The following R3HCC1L variants were observed in gnomAD, a reference collection of about 807,000 sequenced individuals.
The protein encoded by R3HCC1L is coiled-coil domain-containing protein R3HCC1L.
R3HCC1L carries 51 observed loss-of-function variants against 59.9 expected under a neutral mutation model. That is an observed-to-expected ratio of 0.85 (90% CI 0.68 to 1.07). The LOEUF is 1.07. Among genes scored for constraint, R3HCC1L ranks in the 50% least tolerant of loss-of-function variants. The pLI is 0.00. For missense variants in R3HCC1L, 965 were observed against 933.0 expected (o/e 1.03, Z -0.45); for synonymous variants, 322 against 315.2 (o/e 1.02, Z -0.23).
chr10:98,222,873 C>T (rs895516351), intron 5 of R3HCC1L, among the ~76,000 whole-genome samples: 4 of 152,186 alleles, frequency 2.6e-5, no homozygotes, highest in Non-Finnish European at 5.9e-5. Context: ...ACCGATCCCA[C>T]AGAAATACAA....
chr10:98,209,391 A>T lies in R3HCC1L; in HGVS notation c.1277A>T (p.His426Leu). The change falls in exon 5 of 10, where the codon CAT becomes CTT. Residue 426 changes from histidine (H) to leucine (L), a missense_variant. Transcript: ENST00000298999. ...VGMSADATPL[H>L]VARSGNDTED... ...ATGAGTGCAGATGCAACCCCTCTTC[A>T]TGTAGCTAGAAGTGGGAATGACACT... 6.2e-7 allele frequency: 1 copy of T among 1,613,864 alleles called. No individual in the cohort carries two copies. Among genetic ancestry groups the T allele is most frequent in the Non-Finnish European group, 8.5e-7 (1 of 1,179,954 alleles).
chr10:98,195,187 A>G (rs1851289184), intron 4 of R3HCC1L, among the ~76,000 whole-genome samples: 1 of 152,190 alleles, frequency 6.6e-6, no homozygotes, highest in African/African-American at 2.4e-5. Flanking sequence ...CCTTCAGGAC[A>G]TTTTGCTAAG....
At chr10:98,156,550 G>A (rs919232118) in intron 2 of R3HCC1L, among the ~76,000 whole-genome samples, 1 of 152,138 alleles carries the variant, frequency 6.6e-6, no homozygotes, top group Non-Finnish European at 1.5e-5. Flanking sequence ...TATCTAATGG[G>A]CACAATGTCC....
chr10:98,208,929 G>A lies in R3HCC1L; in HGVS notation c.815G>A (p.Ser272Asn), dbSNP rs1171925573. ...ATCACCACTACTTCTGTTCCTGGAA[G>A]TCCAGATGGTGTCTTTGATCAAACT... ...GGITTTSVPGSPDGVFDQTCV... is the reference protein window; with the variant it reads ...GGITTTSVPGNPDGVFDQTCV... Residue 272 changes from serine to asparagine, a missense_variant, in exon 5 of 10, where the codon AGT (serine) becomes AAT (asparagine). By Grantham distance (46) the Ser-to-Asn change is conservative (BLOSUM62 1). Coordinates refer to ENST00000298999, the MANE Select transcript of R3HCC1L (RefSeq NM_001351015.2). 3 of 1,614,116 alleles carry A rather than the reference G, an allele frequency of 1.9e-6. No homozygotes were observed. The highest frequency in any genetic ancestry group is 2.5e-6 in the Non-Finnish European group (3 of 1,179,988).
chr10:98,138,496 G>A (rs1844808720), intron 1 of R3HCC1L, among the ~76,000 whole-genome samples: 1 of 151,894 alleles, frequency 6.6e-6, no homozygotes, highest in Non-Finnish European at 1.5e-5. Context: ...TTCAAGACCA[G>A]CCTGGGCAAC....
intron 4 of R3HCC1L, among the ~76,000 whole-genome samples, chr10:98,176,611 C>G (rs1849046856): frequency 6.6e-6 from 1 of 152,026 alleles, no homozygotes; most frequent in South Asian, 2.1e-4. Flanking sequence ...CTTAGAGATT[C>G]TATGGGATTT....
intron 5 of R3HCC1L, among the ~76,000 whole-genome samples, chr10:98,230,248 T>A (rs1191807090): frequency 2.0e-5 from 3 of 152,198 alleles, no homozygotes; most frequent in Non-Finnish European, 2.9e-5. Flanking sequence ...AATTATTGCC[T>A]CAATTTCAGA....
In R3HCC1L at chr10:98,154,125, A is replaced by C. The variant is rs113232953; in HGVS notation, c.-267-1968A>C. Among the ~76,000 whole-genome samples the C allele has an allele frequency of 1.7e-3, 258 of 149,108 alleles. 1 individual carries two copies. The highest frequency in any genetic ancestry group is 3.5e-3 in the Middle Eastern group (1 of 284). On this transcript the variant is annotated intron_variant, in intron 1 of 9. Transcript: ENST00000298999. ...ATGTTTGCATTACTCTGTGGATATC[A>C]TGCAGGCCTTTTTGATACTTTCAAC...
At chr10:98,227,324 A>G (rs1239082757) in intron 5 of R3HCC1L, among the ~76,000 whole-genome samples, 2 of 152,168 alleles carry the variant, frequency 1.3e-5, no homozygotes, top group East Asian at 1.9e-4. Context: ...ATTTTTATTG[A>G]TATTATCCAA....
In R3HCC1L at chr10:98,207,263, G is replaced by T. The variant is rs1265797478; in HGVS notation, c.-14-838G>T. On this transcript the variant is annotated intron_variant, in intron 4 of 9. Coordinates refer to ENST00000298999, the MANE Select transcript of R3HCC1L (RefSeq NM_001351015.2). ...CATAGCATTATTTTGAAAATTAAAAGAATAATTCAATATGAAATTCCCTAG... is the reference window on the plus strand; with the variant it reads ...CATAGCATTATTTTGAAAATTAAAATAATAATTCAATATGAAATTCCCTAG... Among the ~76,000 whole-genome samples the T allele has an allele frequency of 3.3e-5, 5 of 152,144 alleles. No homozygotes were observed. The South Asian group carries it at 1.0e-3, about 31-fold the overall frequency.
At chr10:98,210,003 C>A in intron 5 of R3HCC1L, 104 bp downstream of exon 5, 1 of 885,354 alleles carries the variant, frequency 1.1e-6, no homozygotes, top group Non-Finnish European at 1.7e-6. Flanking sequence ...TTTAAGAGTT[C>A]CTGCAATAAA....
intron 5 of R3HCC1L, among the ~76,000 whole-genome samples, chr10:98,223,496 A>C (rs1265888310): frequency 2.6e-5 from 4 of 150,974 alleles, no homozygotes; most frequent in Non-Finnish European, 5.9e-5. Context: ...TATAATAGTC[A>C]CTTCTTCAAA....
At chr10:98,205,622 C>T (rs926399952) in intron 4 of R3HCC1L, among the ~76,000 whole-genome samples, 8 of 152,156 alleles carry the variant, frequency 5.3e-5, no homozygotes, top group African/African-American at 1.9e-4. Flanking sequence ...TGCCAGCACA[C>T]TGCTGGTCAT....
intron 5 of R3HCC1L, among the ~76,000 whole-genome samples, chr10:98,228,311 A>G (rs1181587972): frequency 1.3e-5 from 2 of 151,918 alleles, no homozygotes; most frequent in East Asian, 1.9e-4. Flanking sequence ...TGTGGTTTTG[A>G]TTTGCATTTC....
At chr10:98,176,409 A>T (rs1412845961) in intron 4 of R3HCC1L, among the ~76,000 whole-genome samples, 3 of 152,126 alleles carry the variant, frequency 2.0e-5, no homozygotes, top group Non-Finnish European at 2.9e-5. Flanking sequence ...TCGATTTTTG[A>T]TGTCTTATCA....
In R3HCC1L at chr10:98,183,958, G is replaced by GTTTTTTTTTTTTTTTTTT. The variant is rs71007380; in HGVS notation, c.-15+20576_-15+20577insTTTTTTTTTTTTTTTTTT. Among the ~76,000 whole-genome samples the GTTTTTTTTTTTTTTTTTT allele has an allele frequency of 4.0e-5, 5 of 126,570 alleles. 2 individuals are homozygous for GTTTTTTTTTTTTTTTTTT. Among genetic ancestry groups the GTTTTTTTTTTTTTTTTTT allele is most frequent in the African/African-American group, 9.0e-5 (3 of 33,370 alleles). The allele number at this position is 126,570 out of a possible 152,430, so 83.0% of individuals were successfully genotyped here. A position where few individuals can be genotyped will look rare whatever the true frequency, so the allele number is the denominator to read the frequency against. ...TTTTTTTTTCTTTGCTCCTTTTTCG[G>GTTTTTTTTTTTTTTTTTT]TTTTTTTTTTTTTTTGGTTGAAATC... is the stretch of plus-strand genomic sequence containing the variant. On this transcript the variant is annotated intron_variant, in intron 4 of 9. Transcript: ENST00000298999.
chr10:98,199,442 GA>G (rs558140711), intron 4 of R3HCC1L, among the ~76,000 whole-genome samples: 366 of 150,776 alleles, frequency 2.4e-3, no homozygotes, highest in African/African-American at 8.1e-3. Flanking sequence ...AAATTTTAGT[GA>G]TTTTTTTTTT....
intron 4 of R3HCC1L, among the ~76,000 whole-genome samples, chr10:98,165,823 A>T (rs1034297168): frequency 2.6e-5 from 4 of 152,114 alleles, no homozygotes; most frequent in Non-Finnish European, 5.9e-5. Context: ...GGCCTTTGGG[A>T]TGTAATTTAG....
At chr10:98,191,444 G>C (rs767782696) in intron 4 of R3HCC1L, among the ~76,000 whole-genome samples, 1 of 152,098 alleles carries the variant, frequency 6.6e-6, no homozygotes, top group Non-Finnish European at 1.5e-5. Context: ...TGGCTGCATA[G>C]ATGTCTTCTT....
Sources: allele counts gnomAD v4.1 joint callset (sites outside exome capture counted in the v4.1 genomes callset), GRCh38; gene constraint gnomAD v4.1.1; transcripts MANE v1.5; gene names NCBI Gene and HGNC (gene_info 2026-07-23, HGNC 2026-07-21).